ARK2C: variants seen among roughly 807,000 people sequenced by gnomAD.
The protein encoded by ARK2C is E3 ubiquitin-protein ligase ARK2C.
At chr18:46,381,699 C>A in the ARK2C span, among the ~76,000 whole-genome samples, 2 of 152,074 alleles carry the variant, frequency 1.3e-5, no homozygotes, top group Non-Finnish European at 2.9e-5. Flanking sequence ...GGCGTAATAG[C>A]AAGTGCTTGT....
At chr18:46,435,422 G>A in the ARK2C span, 7 of 1,501,610 alleles carry the variant, frequency 4.7e-6, no homozygotes, top group South Asian at 1.1e-5. Context: ...CCCTGGGGGA[G>A]GAAGGGAGGA....
the ARK2C span, chr18:46,460,660 A>C: frequency 6.6e-6 from 1 of 152,600 alleles, no homozygotes; most frequent in African/African-American, 2.4e-5. Context: ...CGAATACAAA[A>C]AAAAAATTTA....
the ARK2C span, chr18:46,433,377 C>T: frequency 6.2e-7 from 1 of 1,613,390 alleles, no homozygotes. Flanking sequence ...AGTCGCTGAC[C>T]CCGCTGCCCA....
chr18:46,446,657 C>T, the ARK2C span, among the ~76,000 whole-genome samples: 1 of 112,528 alleles, frequency 8.9e-6, no homozygotes, highest in Non-Finnish European at 1.6e-5. Flanking sequence ...TGTGACAGAG[C>T]GAGACTCCAT....
the ARK2C span, among the ~76,000 whole-genome samples, chr18:46,375,180 GC>G: frequency 6.6e-6 from 1 of 152,120 alleles, no homozygotes; most frequent in African/African-American, 2.4e-5. Context: ...CTTCCAGGCC[GC>G]CCTGGCCGCA....
chr18:46,375,100 T>C, the ARK2C span, among the ~76,000 whole-genome samples: 1 of 152,164 alleles, frequency 6.6e-6, no homozygotes, highest in Non-Finnish European at 1.5e-5. Flanking sequence ...CCAGGCAGGC[T>C]TTATCTGCAT....
chr18:46,426,979 C>T, the ARK2C span, among the ~76,000 whole-genome samples: 2 of 152,192 alleles, frequency 1.3e-5, no homozygotes, highest in African/African-American at 4.8e-5. Context: ...ATATACTATC[C>T]TGGGAGTTTC....
the ARK2C span, among the ~76,000 whole-genome samples, chr18:46,441,801 T>G: frequency 2.6e-4 from 35 of 136,412 alleles, 1 homozygote; most frequent in South Asian, 5.4e-3. Context: ...GGCAGGAGAA[T>G]GGCGTGAACC....
At chr18:46,444,912 A>G in the ARK2C span, among the ~76,000 whole-genome samples, 2 of 152,162 alleles carry the variant, frequency 1.3e-5, no homozygotes, top group African/African-American at 4.8e-5. Flanking sequence ...CATTGGCATC[A>G]TTAAAATATC....
At chr18:46,446,457 A>C in the ARK2C span, among the ~76,000 whole-genome samples, 1 of 151,958 alleles carries the variant, frequency 6.6e-6, no homozygotes, top group Non-Finnish European at 1.5e-5. Flanking sequence ...GATCACTTGA[A>C]GTCAGGAGTT....
At chr18:46,419,885 C>A in the ARK2C span, among the ~76,000 whole-genome samples, 29 of 152,296 alleles carry the variant, frequency 1.9e-4, no homozygotes, top group Admixed American at 1.4e-3. Context: ...CCCTGCTCTC[C>A]TCTAACCTTC....
chr18:46,357,994 G>C, the ARK2C span, among the ~76,000 whole-genome samples: 1 of 152,168 alleles, frequency 6.6e-6, no homozygotes, highest in Non-Finnish European at 1.5e-5. Flanking sequence ...CAGTGTCTCA[G>C]TGTCTCCACA....
chr18:46,376,016 G>A, the ARK2C span, among the ~76,000 whole-genome samples: 1 of 152,206 alleles, frequency 6.6e-6, no homozygotes, highest in Non-Finnish European at 1.5e-5. Context: ...TGGCCTGAGG[G>A]TGAGATGAGG....
At chr18:46,344,113 GACAC>G in the ARK2C span, among the ~76,000 whole-genome samples, 1 of 152,202 alleles carries the variant, frequency 6.6e-6, no homozygotes, top group Non-Finnish European at 1.5e-5. Flanking sequence ...CTCCCCTGAC[GACAC>G]TGTATCCCTT....
chr18:46,394,721 C>T, the ARK2C span, among the ~76,000 whole-genome samples: 1 of 152,226 alleles, frequency 6.6e-6, no homozygotes, highest in Non-Finnish European at 1.5e-5. Flanking sequence ...AGGAAACCCA[C>T]AGCTTTCCTT....
the ARK2C span, among the ~76,000 whole-genome samples, chr18:46,430,060 A>T: frequency 5.5e-4 from 84 of 152,282 alleles, no homozygotes; most frequent in African/African-American, 2.0e-3. Context: ...TGTGCTTGGG[A>T]AGCTTTCCAC....
At chr18:46,438,340 C>T in the ARK2C span, among the ~76,000 whole-genome samples, 1 of 152,354 alleles carries the variant, frequency 6.6e-6, no homozygotes, top group South Asian at 2.1e-4. Flanking sequence ...GGAACCACAT[C>T]CCCTGTTGGG....
At chr18:46,443,615 G>A in the ARK2C span, among the ~76,000 whole-genome samples, 1 of 152,168 alleles carries the variant, frequency 6.6e-6, no homozygotes, top group Non-Finnish European at 1.5e-5. Context: ...TTGGAACATA[G>A]ACACATCTAT....
chr18:46,414,645 C>T, the ARK2C span, among the ~76,000 whole-genome samples: 4 of 152,220 alleles, frequency 2.6e-5, no homozygotes, highest in African/African-American at 9.6e-5. Context: ...GATCATGCCA[C>T]GTACCACACA....
Sources: allele counts gnomAD v4.1 joint callset (sites outside exome capture counted in the v4.1 genomes callset), GRCh38; gene constraint gnomAD v4.1.1; transcripts MANE v1.5; gene names NCBI Gene and HGNC (gene_info 2026-07-23, HGNC 2026-07-21).